The following PLCB1 variants were observed in gnomAD, a reference collection of about 807,000 sequenced individuals.
The protein encoded by PLCB1 is 1-phosphatidylinositol 4,5-bisphosphate phosphodiesterase beta-1.
Under a neutral mutation model 161.8 loss-of-function variants are expected in PLCB1, and 46 were observed. The ratio of observed to expected loss-of-function variants is 0.28; its 90% CI spans 0.22 to 0.36. The LOEUF (loss-of-function observed/expected upper bound fraction) is 0.36, where lower values mean the gene tolerates loss of function less well. Ranked by LOEUF, PLCB1 falls within the 10% of genes least tolerant of loss-of-function variation. The probability of loss-of-function intolerance (pLI) is 1.00; values close to 1 mark genes in which losing one functional copy is unlikely to be tolerated. For synonymous variants in PLCB1, 517 were observed against 503.7 expected (o/e 1.03, Z -0.35); for missense variants, 1,016 against 1,472.5 (o/e 0.69, Z 5.07).
chr20:8,656,571 A>T (rs1989463002), intron 7 of PLCB1, among the ~76,000 whole-genome samples: 1 of 152,030 alleles, frequency 6.6e-6, no homozygotes. Context: ...TATATCAATG[A>T]CTTGCTTCCT....
chr20:8,803,753 T>G (rs1984395762), intron 31 of PLCB1, among the ~76,000 whole-genome samples: 1 of 152,150 alleles, frequency 6.6e-6, no homozygotes, highest in Admixed American at 6.5e-5. Flanking sequence ...GTTACTCTTG[T>G]TACTGCCCTG....
chr20:8,771,902 G>A (rs1327867812), intron 26 of PLCB1, among the ~76,000 whole-genome samples: 4 of 16,706 alleles, frequency 2.4e-4, no homozygotes, highest in African/African-American at 4.6e-4. Context: ...CCTTCCTTTC[G>A]ACAGGGTCTT....
chr20:8,642,669 T>A (rs1187857269), intron 4 of PLCB1, among the ~76,000 whole-genome samples: 1 of 152,222 alleles, frequency 6.6e-6, no homozygotes, highest in Non-Finnish European at 1.5e-5. Context: ...TTATTATATG[T>A]CCCAGTAACT....
chr20:8,229,851 C>G (rs1449942616), intron 2 of PLCB1, among the ~76,000 whole-genome samples: 1 of 41,324 alleles, frequency 2.4e-5, no homozygotes. Context: ...GGTGAGAGCC[C>G]ATCTCATAAA....
chr20:8,385,284 G>A (rs2122404998), intron 3 of PLCB1, among the ~76,000 whole-genome samples: 1 of 152,338 alleles, frequency 6.6e-6, no homozygotes, highest in African/African-American at 2.4e-5. Flanking sequence ...GTCAGGGTCA[G>A]GCCTGAAGAG....
At chr20:8,565,981 T>A (rs1986320976) in intron 3 of PLCB1, among the ~76,000 whole-genome samples, 1 of 152,162 alleles carries the variant, frequency 6.6e-6, no homozygotes, top group African/African-American at 2.4e-5. Flanking sequence ...TCTGAATTTA[T>A]TCCCTGTGAA....
intron 31 of PLCB1, among the ~76,000 whole-genome samples, chr20:8,810,998 A>G (rs1405438265): frequency 6.6e-6 from 1 of 152,148 alleles, no homozygotes; most frequent in Non-Finnish European, 1.5e-5. Context: ...AATAGTCTGG[A>G]AGGATAGAAA....
intron 2 of PLCB1, among the ~76,000 whole-genome samples, chr20:8,204,710 C>T (rs1217064281): frequency 2.6e-5 from 4 of 152,046 alleles, no homozygotes; most frequent in Non-Finnish European, 4.4e-5. Context: ...AACCGTGAGC[C>T]AATTAAGCCT....
chr20:8,702,110 T>C (rs1978398555), intron 11 of PLCB1, among the ~76,000 whole-genome samples: 1 of 152,182 alleles, frequency 6.6e-6, no homozygotes. Flanking sequence ...TTGCTCCCTG[T>C]TTACTGTATG....
chr20:8,466,854 CAGATT>C (rs1222895260), intron 3 of PLCB1, among the ~76,000 whole-genome samples: 1 of 152,122 alleles, frequency 6.6e-6, no homozygotes, highest in African/African-American at 2.4e-5. Context: ...TGACCCAGAT[CAGATT>C]AAAGCCTCAA....
chr20:8,549,946 T>C (rs940571684), intron 3 of PLCB1, among the ~76,000 whole-genome samples: 3 of 152,130 alleles, frequency 2.0e-5, no homozygotes, highest in African/African-American at 4.8e-5. Flanking sequence ...TGTGAAGAGG[T>C]GACTTCTGCC....
At chr20:8,674,980 T>A (rs1990038991) in intron 9 of PLCB1, among the ~76,000 whole-genome samples, 1 of 151,950 alleles carries the variant, frequency 6.6e-6, no homozygotes, top group Non-Finnish European at 1.5e-5. Context: ...AGTCTCCTTA[T>A]TTTTTTTAGA....
chr20:8,320,244 C>T (rs1264993386), intron 2 of PLCB1, among the ~76,000 whole-genome samples: 1 of 152,086 alleles, frequency 6.6e-6, no homozygotes, highest in African/African-American at 2.4e-5. Context: ...AACACAGACT[C>T]ATATACATAT....
At chr20:8,347,031 T>C (rs998092170) in intron 2 of PLCB1, among the ~76,000 whole-genome samples, 12 of 152,168 alleles carry the variant, frequency 7.9e-5, no homozygotes, top group Non-Finnish European at 1.3e-4. Flanking sequence ...CAAAGCCAAG[T>C]GCTAAATATA....
Position 8,727,324 on chromosome 20 carries a change from T to C in PLCB1, c.1694T>C (p.Phe565Ser). 1 of 1,597,598 alleles carries C rather than the reference T, an allele frequency of 6.3e-7. No homozygotes were observed. Among genetic ancestry groups the C allele is most frequent in the Non-Finnish European group, 8.6e-7 (1 of 1,167,328 alleles). ...CTTAACTCAGAAAGAAATAAAAGTT[T>C]TGAAATGTCTTCCTTCGTGGAAACC... ...FEISKKRNKS[F>S]EMSSFVETKG... Residue 565 changes from phenylalanine to serine, a missense_variant, in exon 17 of 32, where the codon TTT becomes TCT. This residue lies in a region of PLCB1 where 109 missense variants were observed against 129.7 expected (regional missense o/e 0.84). Coordinates refer to ENST00000338037, the MANE Select transcript of PLCB1 (RefSeq NM_015192.4).
At chr20:8,679,085 G>A (rs748774656) in intron 9 of PLCB1, among the ~76,000 whole-genome samples, 2 of 152,128 alleles carry the variant, frequency 1.3e-5, no homozygotes, top group Non-Finnish European at 2.9e-5. Context: ...TCCAACCCTT[G>A]ACACATAGAG....
At chr20:8,438,170 A>T (rs1405803602) in intron 3 of PLCB1, among the ~76,000 whole-genome samples, 3 of 152,116 alleles carry the variant, frequency 2.0e-5, no homozygotes, top group Admixed American at 6.6e-5. Context: ...TGACATTTCC[A>T]ATTAATAGTG....
At chr20:8,176,179 AAAAATCTGTACAC>A (rs1239228950) in intron 2 of PLCB1, among the ~76,000 whole-genome samples, 2 of 152,206 alleles carry the variant, frequency 1.3e-5, no homozygotes, top group African/African-American at 4.8e-5. Context: ...TGTTCACACA[AAAAATCTGTACAC>A]AAATATTCAA....
At chr20:8,173,046 C>T (rs2051748497) in intron 2 of PLCB1, among the ~76,000 whole-genome samples, 1 of 152,282 alleles carries the variant, frequency 6.6e-6, no homozygotes, top group East Asian at 1.9e-4. Context: ...CATACATGGG[C>T]AGGGTAAATG....
Sources: allele counts gnomAD v4.1 joint callset (sites outside exome capture counted in the v4.1 genomes callset), GRCh38; gene constraint gnomAD v4.1.1; regional missense constraint gnomAD v4.1.1; transcripts MANE v1.5; gene names NCBI Gene and HGNC (gene_info 2026-07-23, HGNC 2026-07-21).